The following IGHMBP2 variants were observed in gnomAD, a reference collection of about 807,000 sequenced individuals.
The protein encoded by IGHMBP2 is DNA-binding protein SMUBP-2.
In IGHMBP2, 81 loss-of-function variants were observed where a neutral mutation model predicts 96.0. The observed-to-expected ratio is 0.84, with a 90% CI of 0.71 to 1.01. The LOEUF is 1.01. IGHMBP2 is among the 50% of genes least tolerant of loss of function. IGHMBP2 has a pLI of 0.00. For synonymous variants in IGHMBP2, 557 were observed against 548.9 expected (o/e 1.01, Z -0.21); for missense variants, 1,227 against 1,306.3 (o/e 0.94, Z 0.94).
chr11:68,936,881 G>T lies in IGHMBP2; in HGVS notation c.2401G>T (p.Gly801Cys). The change falls in exon 13 of 15, where the codon GGC becomes TGC. Residue 801 changes from glycine (G) to cysteine (C), a missense_variant. By Grantham distance (159) the Gly-to-Cys change is radical. This residue lies in a region of IGHMBP2 where 703 missense variants were observed against 770.3 expected (regional missense o/e 0.91). Coordinates refer to ENST00000255078, the MANE Select transcript of IGHMBP2 (RefSeq NM_002180.3). ...CCTGGGACCCCCAGCAGGGACCGGT[G>T]GCCCAGCCCCTCTCCAGCCAGTGCC... ...AALGPPAGTGGPAPLQPVPPT... is the reference protein window; with the variant it reads ...AALGPPAGTGCPAPLQPVPPT... 1 of 1,610,572 alleles carries T rather than the reference G, an allele frequency of 6.2e-7. No individual in the cohort carries two copies. The highest frequency in any genetic ancestry group is 8.5e-7 in the Non-Finnish European group (1 of 1,179,010).
intron 7 of IGHMBP2, among the ~76,000 whole-genome samples, chr11:68,927,300 A>G (rs1361100100): frequency 6.6e-6 from 1 of 152,252 alleles, no homozygotes; most frequent in Non-Finnish European, 1.5e-5. Context: ...CGTGGCCACT[A>G]AAGTCTAATA....
At chr11:68,904,505 G>T (rs1858095996) in intron 1 of IGHMBP2, among the ~76,000 whole-genome samples, 2 of 152,158 alleles carry the variant, frequency 1.3e-5, no homozygotes, top group South Asian at 2.1e-4. Context: ...CCGGCTGCGT[G>T]CGTGTCGCGG....
At chr11:68,918,498 C>T (rs1858756503) in intron 7 of IGHMBP2, among the ~76,000 whole-genome samples, 1 of 151,876 alleles carries the variant, frequency 6.6e-6, no homozygotes, top group South Asian at 2.1e-4. Flanking sequence ...AAAAATTAGC[C>T]AGGAGTTGTG....
At position 68,929,223 on chromosome 11, in the gene IGHMBP2, C is replaced by G; in HGVS notation, c.1101C>G (p.Ser367Arg). Reference sequence around the variant, plus strand: ...GCCCCCTGAAGTTGCTGCCCGAGAGCTACTTCGACGTGGTGGTCATTGACG... The same window carrying G: ...GCCCCCTGAAGTTGCTGCCCGAGAGGTACTTCGACGTGGTGGTCATTGACG... ...ADGPLKLLPE[S>R]YFDVVVIDEC... is the part of the protein sequence containing the mutation. Residue 367 changes from serine (S) to arginine (R), a missense_variant, in exon 8 of 15, where the codon AGC (serine) becomes AGG (arginine). Around this residue, in one of 3 missense-constraint regions of IGHMBP2, gnomAD observed 507 missense variants for 496.9 expected, o/e 1.02. Transcript: ENST00000255078. The G allele has an allele frequency of 6.2e-7, 1 of 1,613,746 alleles. No individual in the cohort carries two copies. The highest frequency in any genetic ancestry group is 8.5e-7 in the Non-Finnish European group (1 of 1,180,032).
In IGHMBP2 at chr11:68,939,510, C is replaced by A. The variant is rs371857441; in HGVS notation, c.2785-24C>A. 38 of 1,610,628 alleles carry A rather than the reference C, an allele frequency of 2.4e-5. No individual in the cohort carries two copies. In the African/African-American group the frequency reaches 3.6e-4, roughly 15 times the overall value. ...TGCCTCCTTGCCCCTGTGAGCCCAG[C>A]AGTGATTCTTGTGTCCTCCCCAGAT... On this transcript the variant is annotated intron_variant, in intron 14 of 14. Coordinates refer to ENST00000255078, the MANE Select transcript of IGHMBP2 (RefSeq NM_002180.3).
At chr11:68,912,808 G>A (rs193100654) in intron 5 of IGHMBP2, among the ~76,000 whole-genome samples, 203 of 152,040 alleles carry the variant, frequency 1.3e-3, no homozygotes, top group African/African-American at 4.7e-3. Flanking sequence ...GGGAGGCTGA[G>A]GCGGGTGGGT....
rs759549441 is a variant in IGHMBP2 at position 68,936,537 on chromosome 11, C to G, written c.2057C>G (p.Ala686Gly). 3.1e-6 allele frequency: 5 copies of G among 1,612,950 alleles called. No homozygotes were observed. The highest frequency in any genetic ancestry group is 4.2e-6 in the Non-Finnish European group (5 of 1,179,640). ...CAGCGGCAGGAGGGAGGCCAGGAGG[C>G]TGCAGCACCTGCCAGACAGGGCCGG... ...GSQRQEGGQE[A>G]AAPARQGRKK... The change falls in exon 13 of 15, where the codon GCT (alanine) becomes GGT (glycine). Residue 686 changes from alanine (A) to glycine (G), a missense_variant. Physicochemically the swap from Ala to Gly is moderately conservative, Grantham distance 60. Transcript: ENST00000255078.
intron 6 of IGHMBP2, among the ~76,000 whole-genome samples, chr11:68,916,217 C>G: frequency 6.6e-6 from 1 of 151,998 alleles, no homozygotes; most frequent in East Asian, 1.9e-4. Flanking sequence ...TCTGTCTGGT[C>G]CTGTTGTCTT....
In IGHMBP2 at chr11:68,933,457, C is replaced by G; in HGVS notation, c.1394C>G (p.Ser465Cys). The G allele has an allele frequency of 6.2e-7, 1 of 1,612,888 alleles. No homozygotes were observed. Among genetic ancestry groups the G allele is most frequent in the Non-Finnish European group, 8.5e-7 (1 of 1,179,802 alleles). ...TMYLGQLTAH[S>C]SVARHLLRDL... is the part of the protein sequence containing the mutation. ...TACCTTGGGCAGCTCACAGCCCACT[C>G]TTCCGTGGCAAGGCACCTCCTGAGG... Residue 465 changes from serine (S) to cysteine (C), a missense_variant, in exon 9 of 15, where the codon TCT (serine) becomes TGT (cysteine). Physicochemically the swap from Ser to Cys is moderately radical, Grantham distance 112. Coordinates refer to ENST00000255078, the MANE Select transcript of IGHMBP2 (RefSeq NM_002180.3).
chr11:68,910,854 GCCTGGGTGACAAGCAAGACTCCA>G (rs1858399043), intron 4 of IGHMBP2, among the ~76,000 whole-genome samples: 1 of 142,074 alleles, frequency 7.0e-6, no homozygotes, highest in African/African-American at 2.6e-5. Flanking sequence ...TTGCACTCCA[GCCTGGGTGACAAGCAAGACTCCA>G]TCTCAAAAAA....
At chr11:68,906,884 C>T (rs191433863) in intron 2 of IGHMBP2, among the ~76,000 whole-genome samples, 121 of 152,114 alleles carry the variant, frequency 8.0e-4, no homozygotes, top group Non-Finnish European at 1.3e-3. Context: ...TCAGGTGATC[C>T]GCCTGCTTTG....
chr11:68,915,170 T>C, intron 6 of IGHMBP2, 147 bp downstream of exon 6: 4 of 188,382 alleles, frequency 2.1e-5, no homozygotes, highest in Admixed American at 1.5e-4. Context: ...GCTGCCCTTT[T>C]TTTTTTTTTT....
intron 8 of IGHMBP2, among the ~76,000 whole-genome samples, chr11:68,931,181 G>C (rs1271038030): frequency 6.6e-6 from 1 of 152,148 alleles, no homozygotes; most frequent in Non-Finnish European, 1.5e-5. Context: ...TCTGAGATCC[G>C]AGTGGGTGCT....
At position 68,935,217 on chromosome 11, in the gene IGHMBP2, G is replaced by A; in HGVS notation, c.1633-82G>A. On this transcript the variant is annotated intron_variant, in intron 11 of 14. Transcript: ENST00000255078. ...AGGTCCTGGCTGTTTCACAGCGTGA[G>A]GCCCTCTGCTGAGCTGAAGGGCAGG... 10 of 1,558,548 alleles carry A rather than the reference G, an allele frequency of 6.4e-6. No individual in the cohort carries two copies. The South Asian group carries it at 1.0e-4, about 16-fold the overall frequency.
chr11:68,939,390 C>T (rs1482787834), intron 14 of IGHMBP2, 144 bp from the exon 15 acceptor site: 17 of 849,346 alleles, frequency 2.0e-5, no homozygotes, highest in Non-Finnish European at 2.8e-5. Flanking sequence ...GCCAGGCAGC[C>T]TGCAGGGTGA....
At chr11:68,935,225 G>A in intron 11 of IGHMBP2, 74 bp from the exon 12 acceptor site, 2 of 1,588,122 alleles carry the variant, frequency 1.3e-6, no homozygotes, top group Non-Finnish European at 8.6e-7. Context: ...GAGGCCCTCT[G>A]CTGAGCTGAA....
At chr11:68,917,914 G>T in intron 7 of IGHMBP2, 31 bp downstream of exon 7, 1 of 1,611,404 alleles carries the variant, frequency 6.2e-7, no homozygotes, top group Non-Finnish European at 8.5e-7. Flanking sequence ...TGCCTGTGTG[G>T]CCTCGAAGAA....
At position 68,940,203 on chromosome 11, in the gene IGHMBP2, A is replaced by G. The variant is rs2154009379; in HGVS notation, c.*472A>G. On this transcript the variant is annotated 3_prime_UTR_variant, in exon 15 of 15. Coordinates refer to ENST00000255078, the MANE Select transcript of IGHMBP2 (RefSeq NM_002180.3). The stretch of plus-strand genomic sequence containing the variant: ...AGTGGCGTTTGGCTTGCACGTTCCC[A>G]TGTGGCCAGATGCTGGGGCCACTTT... The G allele has an allele frequency of 5.9e-6, 1 of 170,292 alleles. No individual in the cohort carries two copies. Among genetic ancestry groups the G allele is most frequent in the East Asian group, 1.7e-4 (1 of 5,928 alleles). The allele number at this position is 170,292 out of a possible 1,614,324, so 10.5% of individuals were successfully genotyped here. A position where few individuals can be genotyped will look rare whatever the true frequency, so the allele number is the denominator to read the frequency against.
At position 68,906,207 on chromosome 11, in the gene IGHMBP2, G is replaced by T. The variant is rs762291036; in HGVS notation, c.225G>T (p.Ala75=). The stretch of plus-strand genomic sequence containing the variant: ...TTGAGCCCAGGCGATACGGGTCCGC[G>T]GCAGCTCTTCCCAGTAACAGCTTTA... ...VTFEPRRYGS[A]AALPSNSFTS... The change falls in exon 2 of 15, where the codon GCG becomes GCT. Residue 75 remains alanine, a synonymous_variant. Transcript: ENST00000255078. 1 of 1,614,040 alleles carries T rather than the reference G, an allele frequency of 6.2e-7. No individual in the cohort carries two copies.
Sources: allele counts gnomAD v4.1 joint callset (sites outside exome capture counted in the v4.1 genomes callset), GRCh38; gene constraint gnomAD v4.1.1; regional missense constraint gnomAD v4.1.1; transcripts MANE v1.5; gene names NCBI Gene and HGNC (gene_info 2026-07-23, HGNC 2026-07-21).